RBFOX1: variants seen among roughly 807,000 people sequenced by gnomAD.
RBFOX1 encodes RNA binding protein fox-1 homolog 1.
In RBFOX1, 8 loss-of-function variants were observed where a neutral mutation model predicts 57.7. The ratio of observed to expected loss-of-function variants is 0.14; its 90% CI spans 0.08 to 0.25. The LOEUF (loss-of-function observed/expected upper bound fraction) is 0.25, where lower values mean the gene tolerates loss of function less well. Among genes scored for constraint, RBFOX1 ranks in the 10% least tolerant of loss-of-function variants. RBFOX1 has a pLI of 1.00. For missense variants in RBFOX1, 611 were observed against 548.5 expected (o/e 1.11, Z -1.14); for synonymous variants, 326 against 222.4 (o/e 1.47, Z -4.15).
At chr16:6,824,983 G>GTTTTTTTGTTTTTTTTTTT (rs2091916629) in intron 3 of RBFOX1, among the ~76,000 whole-genome samples, 1 of 36,878 alleles carries the variant, frequency 2.7e-5, no homozygotes, top group Non-Finnish European at 5.9e-5. Flanking sequence ...TTCTTTCTTG[G>GTTTTTTTGTTTTTTTTTTT]TTTTTTTTTT....
chr16:5,737,517 A>G (rs866641411), intron 3 of RBFOX1, among the ~76,000 whole-genome samples: 1 of 140,262 alleles, frequency 7.1e-6, no homozygotes, highest in Non-Finnish European at 1.5e-5. Flanking sequence ...AAACAAAAAT[A>G]TTCTGGATTT....
At chr16:6,485,180 G>A (rs1161980571) in intron 2 of RBFOX1, among the ~76,000 whole-genome samples, 1 of 152,174 alleles carries the variant, frequency 6.6e-6, no homozygotes, top group Non-Finnish European at 1.5e-5. Flanking sequence ...CAGGAATCCA[G>A]GCTTTTCATT....
At chr16:6,858,334 C>A (rs1372605001) in intron 3 of RBFOX1, among the ~76,000 whole-genome samples, 2 of 152,182 alleles carry the variant, frequency 1.3e-5, no homozygotes, top group Non-Finnish European at 2.9e-5. Context: ...TTAGGATTTT[C>A]ATCTAAAATA....
At chr16:7,707,107 G>A (rs371090583) in intron 14 of RBFOX1, among the ~76,000 whole-genome samples, 1 of 152,176 alleles carries the variant, frequency 6.6e-6, no homozygotes, top group South Asian at 2.1e-4. Context: ...TCAGGTCCTT[G>A]TTTGAGGATC....
Position 6,127,042 on chromosome 16 carries a change from G to C in RBFOX1, c.-127+107050G>C, listed in dbSNP as rs371844724. Among the ~76,000 whole-genome samples, 9 of 152,158 alleles carry C rather than the reference G, an allele frequency of 5.9e-5. No homozygotes were observed. In the East Asian group the frequency reaches 9.6e-4, roughly 16 times the overall value. Reference sequence around the variant, plus strand: ...CGGTGTTTCCACTAAGGCTTAGAGAGGGGGAAGGAATCAAGCTGGACCCAC... The same window carrying C: ...CGGTGTTTCCACTAAGGCTTAGAGACGGGGAAGGAATCAAGCTGGACCCAC... On this transcript the variant is annotated intron_variant, in intron 1 of 15. Transcript: ENST00000550418.
intron 3 of RBFOX1, among the ~76,000 whole-genome samples, chr16:6,887,245 C>T (rs117608737): frequency 0.017 from 2,523 of 152,208 alleles, 26 homozygotes; most frequent in Non-Finnish European, 0.024. Context: ...GTAGTGATTA[C>T]CTGTATTTTG....
chr16:7,699,900 G>C, intron 14 of RBFOX1, among the ~76,000 whole-genome samples: 1 of 152,154 alleles, frequency 6.6e-6, no homozygotes, highest in East Asian at 1.9e-4. Context: ...TGGTCATTTG[G>C]AGGTGGGGGA....
intron 2 of RBFOX1, among the ~76,000 whole-genome samples, chr16:6,332,781 G>A (rs1017227357): frequency 3.9e-5 from 6 of 151,916 alleles, no homozygotes; most frequent in Non-Finnish European, 8.8e-5. Flanking sequence ...GTTCAGAGAA[G>A]AGAAAGTCAG....
At chr16:7,292,991 G>T (rs1392366531) in intron 4 of RBFOX1, among the ~76,000 whole-genome samples, 2 of 152,106 alleles carry the variant, frequency 1.3e-5, no homozygotes, top group East Asian at 3.9e-4. Context: ...AAAAAGAAAA[G>T]AGGGAAGAGG....
intron 2 of RBFOX1, among the ~76,000 whole-genome samples, chr16:6,569,346 A>G (rs1202409301): frequency 6.6e-6 from 1 of 152,100 alleles, no homozygotes; most frequent in African/African-American, 2.4e-5. Context: ...TACCTCATGG[A>G]GTTGTGAGGA....
chr16:7,049,521 G>A (rs2153725087), intron 3 of RBFOX1, among the ~76,000 whole-genome samples: 1 of 152,278 alleles, frequency 6.6e-6, no homozygotes, highest in East Asian at 1.9e-4. Flanking sequence ...AGACTCATCT[G>A]TCTTGTTTTT....
At chr16:7,054,979 C>A (rs1231357692) in intron 4 of RBFOX1, among the ~76,000 whole-genome samples, 1 of 152,070 alleles carries the variant, frequency 6.6e-6, no homozygotes, top group Non-Finnish European at 1.5e-5. Context: ...TTGGCGTATC[C>A]AATACTTGGT....
At chr16:6,378,629 G>C (rs2091467458) in intron 2 of RBFOX1, among the ~76,000 whole-genome samples, 1 of 152,102 alleles carries the variant, frequency 6.6e-6, no homozygotes, top group Admixed American at 6.5e-5. Flanking sequence ...CCACTCCCTA[G>C]TCCTCAATGC....
intron 3 of RBFOX1, among the ~76,000 whole-genome samples, chr16:6,977,770 A>G (rs2087460776): frequency 6.6e-6 from 1 of 152,086 alleles, no homozygotes; most frequent in African/African-American, 2.4e-5. Flanking sequence ...AAAAGAAAGA[A>G]AAAGAAAGTC....
chr16:6,281,939 A>G (rs1730885297), intron 1 of RBFOX1, among the ~76,000 whole-genome samples: 3 of 152,104 alleles, frequency 2.0e-5, no homozygotes. Context: ...AAGTGGAAGA[A>G]AATTAGGCCG....
chr16:5,592,963 A>T (rs2047059256), intron 2 of RBFOX1, among the ~76,000 whole-genome samples: 2 of 152,178 alleles, frequency 1.3e-5, no homozygotes, highest in East Asian at 1.9e-4. Flanking sequence ...AATGAGACTG[A>T]GACCTACTGA....
chr16:6,486,405 G>A (rs1369513644), intron 2 of RBFOX1, among the ~76,000 whole-genome samples: 1 of 151,924 alleles, frequency 6.6e-6, no homozygotes, highest in Non-Finnish European at 1.5e-5. Context: ...ATCTAAAAGA[G>A]GAAGAAGATA....
At chr16:5,786,928 G>C (rs2054522056) in intron 3 of RBFOX1, among the ~76,000 whole-genome samples, 1 of 152,196 alleles carries the variant, frequency 6.6e-6, no homozygotes, top group African/African-American at 2.4e-5. Flanking sequence ...TTGAGGTCAG[G>C]AGATCGAGAC....
intron 3 of RBFOX1, among the ~76,000 whole-genome samples, chr16:6,828,127 C>G (rs1335399874): frequency 6.6e-6 from 1 of 152,138 alleles, no homozygotes; most frequent in South Asian, 2.1e-4. Flanking sequence ...GGACAGCAGT[C>G]AGGAAGCAAT....
Sources: allele counts gnomAD v4.1 joint callset (sites outside exome capture counted in the v4.1 genomes callset), GRCh38; gene constraint gnomAD v4.1.1; transcripts MANE v1.5; gene names NCBI Gene and HGNC (gene_info 2026-07-23, HGNC 2026-07-21).